Variants in PARD3B observed in about 807,000 individuals in gnomAD.
PARD3B encodes the protein par-3 family cell polarity regulator beta, also known as partitioning defective 3 homolog B.
In PARD3B, 103 loss-of-function variants were observed where a neutral mutation model predicts 130.2. The observed-to-expected ratio is 0.79, with a 90% confidence interval of 0.67 to 0.93. The LOEUF (loss-of-function observed/expected upper bound fraction) is 0.93. Among genes scored for constraint, PARD3B ranks in the 40% least tolerant of loss-of-function variants. The pLI is 0.00. For missense variants in PARD3B, 1,609 were observed against 1,499.2 expected (o/e 1.07, Z -1.21); for synonymous variants, 583 against 553.2 (o/e 1.05, Z -0.76).
intron 3 of PARD3B, among the ~76,000 whole-genome samples, chr2:204,981,248 G>T (rs186787741): frequency 6.6e-6 from 1 of 151,798 alleles, no homozygotes; most frequent in African/African-American, 2.4e-5. Context: ...AGAAACGAGC[G>T]TGTATATTCA....
chr2:204,566,511 T>C (rs1181722245), intron 1 of PARD3B, among the ~76,000 whole-genome samples: 3 of 152,188 alleles, frequency 2.0e-5, no homozygotes, highest in African/African-American at 7.2e-5. Flanking sequence ...TCTTCTCTCT[T>C]GAAAAACTAC....
At chr2:205,400,023 G>A (rs76191875) in intron 18 of PARD3B, among the ~76,000 whole-genome samples, 1 of 152,242 alleles carries the variant, frequency 6.6e-6, no homozygotes, top group Non-Finnish European at 1.5e-5. Context: ...TAAAATGAGA[G>A]CATTGAACGA....
At chr2:204,882,740 A>G (rs1260726662) in intron 2 of PARD3B, among the ~76,000 whole-genome samples, 2 of 152,190 alleles carry the variant, frequency 1.3e-5, no homozygotes, top group African/African-American at 2.4e-5. Context: ...TAGAAATACA[A>G]AATCTTGCCC....
At chr2:204,561,438 T>C (rs13390481) in intron 1 of PARD3B, among the ~76,000 whole-genome samples, 1,578 of 152,254 alleles carry the variant, frequency 0.01, 28 homozygotes, top group African/African-American at 0.036. Context: ...GAGTGGACTT[T>C]CTTGCCCTCT....
chr2:204,799,679 C>T lies in PARD3B; in HGVS notation c.222+113397C>T, dbSNP rs1466790471. ...GCAGCTCAGCACAGAGAAAGACTGA[C>T]TCTTTTTGGGGGCAAAGTGAGGGAA... is the stretch of plus-strand genomic sequence containing the variant. On this transcript the variant is annotated intron_variant, in intron 2 of 22. Transcript: ENST00000406610. This position sits in a 1 kb window ranked among gnomAD's most constrained non-coding sequence, Gnocchi z 4.1. 6.6e-6 allele frequency among the ~76,000 whole-genome samples: 1 copy of T among 152,194 alleles called. No homozygotes were observed. The highest frequency in any genetic ancestry group is 1.9e-4 in the East Asian group (1 of 5,178).
chr2:204,792,544 A>AT (rs59942373), intron 2 of PARD3B, among the ~76,000 whole-genome samples: 3,426 of 151,384 alleles, frequency 0.023, 123 homozygotes, highest in African/African-American at 0.076. Context: ...AAGTAAGACC[A>AT]TTTTTTTTTA....
At chr2:204,955,276 A>C (rs1476080566) in intron 2 of PARD3B, among the ~76,000 whole-genome samples, 1 of 152,238 alleles carries the variant, frequency 6.6e-6, no homozygotes. Flanking sequence ...CTGGAAGAAA[A>C]TCAAATACAT....
intron 22 of PARD3B, among the ~76,000 whole-genome samples, chr2:205,606,027 G>A (rs116810912): frequency 0.015 from 2,347 of 152,232 alleles, 61 homozygotes; most frequent in African/African-American, 0.053. Flanking sequence ...GTCTGGCCAC[G>A]ATCCGCCACA....
At chr2:204,595,152 G>A (rs1183356238) in intron 1 of PARD3B, among the ~76,000 whole-genome samples, 1 of 152,158 alleles carries the variant, frequency 6.6e-6, no homozygotes, top group Non-Finnish European at 1.5e-5. Flanking sequence ...CTTTGTTTCT[G>A]TAGGAAATTT....
At chr2:204,727,114 A>C (rs2039270433) in intron 2 of PARD3B, among the ~76,000 whole-genome samples, 1 of 149,818 alleles carries the variant, frequency 6.7e-6, no homozygotes, top group Admixed American at 6.6e-5. Context: ...GCATGCAATG[A>C]GAAGGTCATT....
At chr2:205,322,107 A>G (rs373238261) in intron 18 of PARD3B, among the ~76,000 whole-genome samples, 2 of 152,248 alleles carry the variant, frequency 1.3e-5, no homozygotes, top group East Asian at 3.8e-4. Flanking sequence ...AGGCTGGAGA[A>G]GCCATACCAG....
chr2:205,175,318 T>A (rs548245934), intron 12 of PARD3B, among the ~76,000 whole-genome samples: 1 of 152,214 alleles, frequency 6.6e-6, no homozygotes, highest in Non-Finnish European at 1.5e-5. Flanking sequence ...GCTTACCTCC[T>A]ATACCAGGCT....
Position 205,415,732 on chromosome 2 carries a change from A to T in PARD3B, c.2741+14609A>T, listed in dbSNP as rs564417004. 3.9e-3 allele frequency among the ~76,000 whole-genome samples: 599 copies of T among 151,874 alleles called. 8 individuals carry two copies. Among genetic ancestry groups the T allele is most frequent in the African/African-American group, 0.013 (550 of 41,420 alleles). ...CTTGACTGTGCCTCAATTCAAAGAA[A>T]TTTTTTTTTAATTGTGACATAATAA... On this transcript the variant is annotated intron_variant, in intron 19 of 22. Coordinates refer to ENST00000406610, the MANE Select transcript of PARD3B (RefSeq NM_001302769.2).
chr2:205,133,527 T>C (rs755173269), intron 10 of PARD3B, among the ~76,000 whole-genome samples: 5 of 152,162 alleles, frequency 3.3e-5, no homozygotes, highest in African/African-American at 7.2e-5. Flanking sequence ...TTGAGAACCA[T>C]TGGAATAGTG....
intron 1 of PARD3B, among the ~76,000 whole-genome samples, chr2:204,683,367 T>G (rs1368433020): frequency 6.6e-6 from 1 of 152,214 alleles, no homozygotes; most frequent in Non-Finnish European, 1.5e-5. Flanking sequence ...AGAACACATA[T>G]GTGAACACCT....
intron 10 of PARD3B, among the ~76,000 whole-genome samples, chr2:205,134,926 G>C (rs969318325): frequency 2.0e-5 from 3 of 152,124 alleles, no homozygotes; most frequent in Non-Finnish European, 4.4e-5. Context: ...GTGGAAGGAG[G>C]AGTGTTCTAT....
chr2:205,307,743 T>C (rs974721988), intron 18 of PARD3B, among the ~76,000 whole-genome samples: 1 of 152,234 alleles, frequency 6.6e-6, no homozygotes, highest in Non-Finnish European at 1.5e-5. Context: ...AATAACCTTG[T>C]CAATCCTTAT....
chr2:205,433,416 C>T (rs2047403714), intron 19 of PARD3B, among the ~76,000 whole-genome samples: 1 of 151,692 alleles, frequency 6.6e-6, no homozygotes, highest in Non-Finnish European at 1.5e-5. Context: ...CCTGTAATCC[C>T]AGCTACACAG....
chr2:204,550,762 C>A (rs929467962), intron 1 of PARD3B, among the ~76,000 whole-genome samples: 5 of 152,172 alleles, frequency 3.3e-5, no homozygotes, highest in Non-Finnish European at 5.9e-5. Flanking sequence ...ACTAACAATT[C>A]CATTCCCTGA....
Sources: gnomAD v4.1 joint callset for allele counts (sites outside exome capture counted in the v4.1 genomes callset) on GRCh38, gnomAD v4.1.1 for gene constraint, Gnocchi (gnomAD v3.1) non-coding constraint, MANE v1.5 for transcripts, NCBI Gene and HGNC (gene_info 2026-07-23, HGNC 2026-07-21) for gene names.